OPHN1: variants seen among roughly 807,000 people sequenced by gnomAD.
OPHN1 encodes oligophrenin 1, also known as oligophrenin-1.
A neutral mutation model predicts 60.7 loss-of-function variants in OPHN1; 11 were observed. The observed-to-expected ratio is 0.18, with a 90% CI of 0.11 to 0.30. OPHN1 has a LOEUF of 0.30. Among genes scored for constraint, OPHN1 ranks in the 10% least tolerant of loss-of-function variants. OPHN1 has a pLI of 1.00. For synonymous variants in OPHN1, 226 were observed against 222.6 expected (o/e 1.02, Z -0.14); for missense variants, 449 against 611.0 (o/e 0.73, Z 2.80).
chrX:68,088,549 C>G (rs2077004212), intron 19 of OPHN1, among the ~76,000 whole-genome samples: 1 of 111,347 alleles, frequency 9.0e-6, no homozygotes, highest in Non-Finnish European at 1.9e-5. Context: ...AGAAAAGCCT[C>G]TTTTGACTAC....
intron 3 of OPHN1, among the ~76,000 whole-genome samples, chrX:68,295,728 G>T (rs2078091532): frequency 8.9e-6 from 1 of 112,076 alleles, no homozygotes; most frequent in Admixed American, 9.5e-5. Context: ...AAGTCCTAGA[G>T]CTGATCGTCA....
At chrX:68,169,448 A>G (rs1200911813) in intron 15 of OPHN1, among the ~76,000 whole-genome samples, 5 of 110,001 alleles carry the variant, frequency 4.5e-5, no homozygotes, top group Non-Finnish European at 9.5e-5. Flanking sequence ...TTCATATGGA[A>G]CCAAAAAAGA....
At chrX:68,217,668 T>G (rs1348512112) in intron 6 of OPHN1, among the ~76,000 whole-genome samples, 2 of 110,222 alleles carry the variant, frequency 1.8e-5, no homozygotes, top group African/African-American at 3.3e-5. Flanking sequence ...AGCAGGGACA[T>G]ACTGACACCT....
chrX:68,390,575 G>C (rs149456135), intron 2 of OPHN1, among the ~76,000 whole-genome samples: 1 of 111,696 alleles, frequency 9.0e-6, no homozygotes. Context: ...CTCCAGCCCA[G>C]GTGACAGAGT....
intron 2 of OPHN1, among the ~76,000 whole-genome samples, chrX:68,420,808 T>A (rs1472013810): frequency 1.0e-5 from 1 of 100,227 alleles, no homozygotes; most frequent in Non-Finnish European, 2.0e-5. Context: ...AAAAAACAAC[T>A]CTTTTCTTTC....
chrX:68,230,421 T>G (rs931836586), intron 6 of OPHN1, among the ~76,000 whole-genome samples: 1 of 110,962 alleles, frequency 9.0e-6, no homozygotes, highest in Non-Finnish European at 1.9e-5. Flanking sequence ...TGGGTATATA[T>G]CCAAAGGATT....
chrX:68,145,280 C>T (rs2077259110), intron 15 of OPHN1, among the ~76,000 whole-genome samples: 1 of 111,689 alleles, frequency 9.0e-6, no homozygotes, highest in African/African-American at 3.3e-5. Context: ...TCTTGGTTAT[C>T]ATTCATATCA....
chrX:68,181,535 C>T (rs1207202510), intron 15 of OPHN1, among the ~76,000 whole-genome samples: 1 of 111,407 alleles, frequency 9.0e-6, no homozygotes, highest in African/African-American at 3.3e-5. Context: ...CTAAATTTGG[C>T]ATCCCTAGGC....
At chrX:68,140,523 G>A (rs914460500) in intron 15 of OPHN1, among the ~76,000 whole-genome samples, 10 of 110,542 alleles carry the variant, frequency 9.0e-5, no homozygotes, top group Non-Finnish European at 1.3e-4. Context: ...AAGCAACCTG[G>A]TGAGGGTGAT....
At chrX:68,312,937 T>C (rs1171217039) in intron 2 of OPHN1, among the ~76,000 whole-genome samples, 1 of 110,722 alleles carries the variant, frequency 9.0e-6, no homozygotes, top group Non-Finnish European at 1.9e-5. Context: ...GAGACTCATA[T>C]CCACCAAAAA....
chrX:68,423,578 C>T (rs1165241160), intron 2 of OPHN1, among the ~76,000 whole-genome samples: 1 of 110,471 alleles, frequency 9.1e-6, no homozygotes, highest in Non-Finnish European at 1.9e-5. Flanking sequence ...ATTAGCAGTC[C>T]CAATACATTC....
intron 2 of OPHN1, among the ~76,000 whole-genome samples, chrX:68,350,466 T>TCCTTCCTCCCTCACTCCCTTCCTC (rs2078403108): frequency 2.3e-4 from 16 of 68,624 alleles, no homozygotes; most frequent in Admixed American, 1.0e-3. Flanking sequence ...CTTCCTTCCT[T>TCCTTCCTCCCTCACTCCCTTCCTC]CCTTCCTCCC....
intron 21 of OPHN1, among the ~76,000 whole-genome samples, chrX:68,055,572 A>C (rs1008238409): frequency 8.9e-6 from 1 of 111,978 alleles, no homozygotes; most frequent in African/African-American, 3.3e-5. Context: ...AGAACTAGAA[A>C]TACTATTTGA....
intron 22 of OPHN1, 59 bp downstream of exon 22, chrX:68,053,586 A>G: frequency 8.9e-7 from 1 of 1,123,239 alleles, no homozygotes. Flanking sequence ...TGATCCTGAA[A>G]GCATTCCTAG....
At chrX:68,288,014 A>G (rs2078053417) in intron 3 of OPHN1, among the ~76,000 whole-genome samples, 2 of 111,814 alleles carry the variant, frequency 1.8e-5, no homozygotes, top group South Asian at 7.4e-4. Flanking sequence ...CTGAGTCAAG[A>G]AAAACCTCAT....
chrX:68,125,754 AAAG>A (rs2077167286), intron 15 of OPHN1, among the ~76,000 whole-genome samples: 1 of 106,147 alleles, frequency 9.4e-6, no homozygotes, highest in African/African-American at 3.4e-5. Flanking sequence ...CCAAACATTT[AAAG>A]AAGAGCTAAT....
intron 19 of OPHN1, 21 bp downstream of exon 19, chrX:68,096,849 G>T (rs774525803): frequency 8.3e-7 from 1 of 1,203,695 alleles, no homozygotes; most frequent in East Asian, 3.0e-5. Flanking sequence ...AAGACAGGTA[G>T]TGAGAATAGA....
chrX:68,338,650 C>A (rs1183936833), intron 2 of OPHN1, among the ~76,000 whole-genome samples: 2 of 111,660 alleles, frequency 1.8e-5, no homozygotes, highest in Non-Finnish European at 3.8e-5. Context: ...AGTCTAAATA[C>A]AAAAGTCTGT....
In OPHN1 at chrX:68,045,607, T is replaced by C. The variant is rs1351036219; in HGVS notation, c.*1565A>G. The C allele has an allele frequency of 8.9e-6, 1 of 112,045 alleles. No individual in the cohort carries two copies. Among genetic ancestry groups the C allele is most frequent in the Non-Finnish European group, 1.9e-5 (1 of 53,245 alleles). The allele number at this position is 112,045 out of a possible 1,213,427, so 9.2% of individuals were successfully genotyped here. A position where few individuals can be genotyped will look rare whatever the true frequency, so the allele number is the denominator to read the frequency against. ...ACAAGCTACGGCCCAGGCATCTGCA[T>C]AGAAACAAGTACTGATGCTCTTTCC... is the stretch of plus-strand genomic sequence containing the variant. On this transcript the variant is annotated 3_prime_UTR_variant, in exon 25 of 25. Transcript: ENST00000355520.
Sources: gnomAD v4.1 joint callset for allele counts (sites outside exome capture counted in the v4.1 genomes callset) on GRCh38, gnomAD v4.1.1 for gene constraint, MANE v1.5 for transcripts, NCBI Gene and HGNC (gene_info 2026-07-23, HGNC 2026-07-21) for gene names.